The following RPS6KL1 variants were observed in gnomAD, a reference collection of about 807,000 sequenced individuals.
RPS6KL1 encodes ribosomal protein S6 kinase like 1, also known as ribosomal protein S6 kinase-like 1.
A neutral mutation model predicts 57.0 loss-of-function variants in RPS6KL1; 41 were observed. That is an observed-to-expected ratio of 0.72 (90% CI 0.56 to 0.93). RPS6KL1 has a LOEUF of 0.93. Among genes scored for constraint, RPS6KL1 ranks in the 40% least tolerant of loss-of-function variants. The pLI is 0.00. For synonymous variants in RPS6KL1, 287 were observed against 309.7 expected (o/e 0.93, Z 0.77); for missense variants, 697 against 727.7 (o/e 0.96, Z 0.49).
At chr14:74,921,624 G>T in intron 2 of RPS6KL1, 63 bp from the exon 3 acceptor site, 1 of 1,515,156 alleles carries the variant, frequency 6.6e-7, no homozygotes, top group East Asian at 2.4e-5. Flanking sequence ...CCGCACCCCA[G>T]TTTCCTCCAC....
At position 74,909,801 on chromosome 14, in the gene RPS6KL1, C is replaced by CT; in HGVS notation, c.1011dup (p.Asp338ArgfsTer13). 1 of 1,606,996 alleles carries CT rather than the reference C, an allele frequency of 6.2e-7. No homozygotes were observed. Among genetic ancestry groups the CT allele is most frequent in the African/African-American group, 1.3e-5 (1 of 74,838 alleles). On this transcript the variant is annotated frameshift_variant, in exon 8 of 12. Transcript: ENST00000557413. LOFTEE classifies it high-confidence loss of function. Reference sequence around the variant, plus strand: ...GTGAGCCCCCGAGGGGGCCCAGCGTCTGAGTTCTGGCCAGCCCTCCTAGCT... The same window carrying CT: ...GTGAGCCCCCGAGGGGGCCCAGCGTCTTGAGTTCTGGCCAGCCCTCCTAGCT...
rs1884756673 is a variant in RPS6KL1 at position 74,906,077 on chromosome 14, T to C, written c.*937A>G. The C allele has an allele frequency of 1.1e-5, 2 of 178,046 alleles. No individual in the cohort carries two copies. Among genetic ancestry groups the C allele is most frequent in the Non-Finnish European group, 2.4e-5 (2 of 81,944 alleles). The allele number at this position is 178,046 out of a possible 1,614,324, so 11.0% of individuals were successfully genotyped here. On this transcript the variant is annotated 3_prime_UTR_variant, in exon 12 of 12. Coordinates refer to ENST00000557413, the MANE Select transcript of RPS6KL1 (RefSeq NM_031464.5). ...ATGGATAGTTGTTCCATGCGTTTTG[T>C]GGTTTCTTATCCCAAAAGGGCATGA... is the stretch of plus-strand genomic sequence containing the variant.
At chr14:74,908,379 C>A (rs530186710) in intron 10 of RPS6KL1, among the ~76,000 whole-genome samples, 3 of 152,270 alleles carry the variant, frequency 2.0e-5, no homozygotes, top group African/African-American at 7.2e-5. Flanking sequence ...GGAGTGTTTG[C>A]AGGGGGATCT....
At chr14:74,907,164 T>C in intron 11 of RPS6KL1, 40 bp from the exon 12 acceptor site, 1 of 1,536,196 alleles carries the variant, frequency 6.5e-7, no homozygotes, top group Non-Finnish European at 8.9e-7. Flanking sequence ...ACTCCAGCTG[T>C]GGAGGCATGG....
At chr14:74,911,529 C>T in intron 6 of RPS6KL1, 149 bp from the exon 7 acceptor site, 1 of 895,054 alleles carries the variant, frequency 1.1e-6, no homozygotes, top group South Asian at 1.7e-5. Context: ...CCCCACTGCC[C>T]CTGTAGAATC....
chr14:74,921,485 G>A lies in RPS6KL1; in HGVS notation c.57C>T (p.Cys19=). 6.2e-7 allele frequency: 1 copy of A among 1,614,124 alleles called. No homozygotes were observed. Among genetic ancestry groups the A allele is most frequent in the Non-Finnish European group, 8.5e-7 (1 of 1,180,012 alleles). Residue 19 remains cysteine (C), a synonymous_variant, in exon 3 of 12, where the codon TGC becomes TGT. Transcript: ENST00000557413. ...CGTGAGCTTGGGACCGTGCTCGTGA[G>A]CAAGGCTCAGGCTCCAGGCCGGGGC... ...LPSPGLEPEP[C]SRARSQAHVY...
rs55860986 is a variant in RPS6KL1 at position 74,909,642 on chromosome 14, G to A, written c.1171C>T (p.Gln391Ter). 1.2e-5 allele frequency: 20 copies of A among 1,611,044 alleles called. No homozygotes were observed. In the East Asian group the frequency reaches 4.0e-4, roughly 32 times the overall value. Reference protein sequence around the residue: ...TWSVREEQVKQWAAEMLVALE... With the variant: ...TWSVREEQVK ...GCTACCAGCATCTCTGCCGCCCACT[G>A]CTTCACCTGCTCCTCTCTCACACTC... Residue 391 changes from glutamine (Q) to a stop codon, truncating the protein, a stop_gained, in exon 8 of 12, where the codon CAG (glutamine) becomes TAG (stop). Transcript: ENST00000557413. LOFTEE classifies it high-confidence loss of function.
rs1365087335 is a variant in RPS6KL1 at position 74,905,219 on chromosome 14, C to A, written c.*1795G>T. ...TTTGGGTGGATGAAGCACAGAAGTT[C>A]CAGAAGGGACTTGTGCTTCATGAAG... On this transcript the variant is annotated 3_prime_UTR_variant, in exon 12 of 12. Transcript: ENST00000557413. 6.6e-6 allele frequency: 1 copy of A among 152,086 alleles called. No homozygotes were observed. Among genetic ancestry groups the A allele is most frequent in the Non-Finnish European group, 1.5e-5 (1 of 68,024 alleles). The allele number at this position is 152,086 out of a possible 1,614,324, so 9.4% of individuals were successfully genotyped here.
chr14:74,904,454 C>T lies in RPS6KL1; in HGVS notation c.*2560G>A, dbSNP rs1396377090. The T allele has an allele frequency of 6.6e-6, 1 of 152,136 alleles. No individual in the cohort carries two copies. The highest frequency in any genetic ancestry group is 6.5e-5 in the Admixed American group (1 of 15,276). The allele number at this position is 152,136 out of a possible 1,614,324, so 9.4% of individuals were successfully genotyped here. ...CTCTTCCCACCATGGCCCGAACTAG[C>T]GTTTCAGGTTAACTTTGGAATACCC... On this transcript the variant is annotated 3_prime_UTR_variant, in exon 12 of 12. Coordinates refer to ENST00000557413, the MANE Select transcript of RPS6KL1 (RefSeq NM_031464.5).
chr14:74,919,817 G>C, intron 4 of RPS6KL1, 28 bp downstream of exon 4: 2 of 1,589,264 alleles, frequency 1.3e-6, no homozygotes, highest in Non-Finnish European at 1.7e-6. Flanking sequence ...CTCCCGCTCA[G>C]GCCTTTGGGT....
intron 5 of RPS6KL1, among the ~76,000 whole-genome samples, chr14:74,916,915 C>T (rs143072988): frequency 6.6e-6 from 1 of 152,210 alleles, no homozygotes; most frequent in Non-Finnish European, 1.5e-5. Flanking sequence ...CCTCTCACCA[C>T]AACACCTATG....
In RPS6KL1 at chr14:74,919,303, A is replaced by C. The variant is rs1373676375; in HGVS notation, c.390+542T>G. Among the ~76,000 whole-genome samples, 6 of 152,282 alleles carry C rather than the reference A, an allele frequency of 3.9e-5. No homozygotes were observed. The South Asian group carries it at 1.0e-3, about 26-fold the overall frequency. The stretch of plus-strand genomic sequence containing the variant: ...CAGCCGTACAGGATGCAGTGAGCCA[A>C]GGAGGGCTGCGTGAGTACGCGCAAC... On this transcript the variant is annotated intron_variant, in intron 4 of 11. Transcript: ENST00000557413.
intron 10 of RPS6KL1, among the ~76,000 whole-genome samples, 174 bp from the exon 11 acceptor site, chr14:74,907,704 A>G (rs1245507007): frequency 1.3e-5 from 2 of 152,228 alleles, no homozygotes; most frequent in Admixed American, 6.5e-5. Flanking sequence ...TATGTTATCC[A>G]CGAAAGGCAA....
At position 74,906,417 on chromosome 14, in the gene RPS6KL1, TGGG is replaced by T; in HGVS notation, c.*594_*596del. ...TGGTCAGGAATCGGGGGTGGGGGGG[TGGG>T]GGTGGGGGTCATCCTGTCCCCTACC... On this transcript the variant is annotated 3_prime_UTR_variant, in exon 12 of 12. Coordinates refer to ENST00000557413, the MANE Select transcript of RPS6KL1 (RefSeq NM_031464.5). The T allele has an allele frequency of 6.2e-6, 1 of 161,890 alleles. No individual in the cohort carries two copies. The highest frequency in any genetic ancestry group is 9.8e-5 in the African/African-American group (1 of 10,158). The allele number at this position is 161,890 out of a possible 1,614,324, so 10.0% of individuals were successfully genotyped here.
intron 4 of RPS6KL1, 146 bp from the exon 5 acceptor site, chr14:74,918,751 T>C: frequency 1.7e-6 from 1 of 592,700 alleles, no homozygotes; most frequent in Non-Finnish European, 2.9e-6. Context: ...CACCCCACAG[T>C]GGCAGGCTGG....
chr14:74,913,768 T>G (rs2140301051), intron 5 of RPS6KL1, among the ~76,000 whole-genome samples: 1 of 152,332 alleles, frequency 6.6e-6, no homozygotes, highest in Admixed American at 6.5e-5. Context: ...AGCAGCAGCC[T>G]GCACCTGCCG....
In RPS6KL1 at chr14:74,909,115, A is replaced by C. The variant is rs1379265261; in HGVS notation, c.1346T>G (p.Leu449Arg). The C allele has an allele frequency of 3.1e-6, 5 of 1,614,150 alleles. No individual in the cohort carries two copies. Among genetic ancestry groups the C allele is most frequent in the Non-Finnish European group, 4.2e-6 (5 of 1,180,032 alleles). The change falls in exon 9 of 12, where the codon CTC becomes CGC. Residue 449 changes from leucine to arginine, a missense_variant. Leu to Arg is a moderately radical substitution (Grantham distance 102, BLOSUM62 -2). Coordinates refer to ENST00000557413, the MANE Select transcript of RPS6KL1 (RefSeq NM_031464.5). ...CCCCTTCTTGCCTGGGGCGCTGTAG[A>C]GATTGTCCACGGCCTCCCCGCAGCA... ...PQCCGEAVDNLYSAPEVGGIS... is the reference protein window; with the variant it reads ...PQCCGEAVDNRYSAPEVGGIS...
At chr14:74,912,880 T>C (rs116924665) in intron 5 of RPS6KL1, among the ~76,000 whole-genome samples, 3 of 152,366 alleles carry the variant, frequency 2.0e-5, no homozygotes, top group East Asian at 1.9e-4. Context: ...AGTTGGGCCC[T>C]TGACTCATCT....
rs555058742 is a variant in RPS6KL1, at chr14:74,904,192, A to G, written c.*2822T>C. ...GGGGATGTTGTCATAGGCAGAATCA[A>G]AGATTTTCTGATTGGCAATTGGTTG... On this transcript the variant is annotated 3_prime_UTR_variant, in exon 12 of 12. Coordinates refer to ENST00000557413, the MANE Select transcript of RPS6KL1 (RefSeq NM_031464.5). 6.6e-6 allele frequency: 1 copy of G among 152,382 alleles called. No individual in the cohort carries two copies. The highest frequency in any genetic ancestry group is 1.9e-4 in the East Asian group (1 of 5,186). 9.4% of individuals were successfully genotyped at this position (152,382 alleles called of 1,614,324 possible).
Sources: gnomAD v4.1 joint callset for allele counts (sites outside exome capture counted in the v4.1 genomes callset) on GRCh38, gnomAD v4.1.1 for gene constraint, MANE v1.5 for transcripts, NCBI Gene and HGNC (gene_info 2026-07-23, HGNC 2026-07-21) for gene names.